Variants in UVSSA observed in about 807,000 individuals in gnomAD.
The protein encoded by UVSSA is UV-stimulated scaffold protein A.
UVSSA carries 72 observed loss-of-function variants against 73.9 expected under a neutral mutation model. The observed-to-expected ratio is 0.97, with a 90% confidence interval of 0.81 to 1.19. UVSSA has a LOEUF of 1.19. Ranked by LOEUF, UVSSA falls within the 50% of genes most tolerant of loss-of-function variation. The pLI, the probability that UVSSA is intolerant of heterozygous loss-of-function variation, is 0.00. For missense variants in UVSSA, 1,150 were observed against 965.0 expected, an observed-to-expected ratio of 1.19 and a Z score of -2.54; for synonymous variants, 454 against 391.3, an observed-to-expected ratio of 1.16 and a Z score of -1.89.
intron 8 of UVSSA, among the ~76,000 whole-genome samples, chr4:1,373,442 C>G (rs186455493): frequency 1.2e-4 from 19 of 152,334 alleles, no homozygotes; most frequent in African/African-American, 4.6e-4. Context: ...CCTTCCCCAG[C>G]CCACTGACTC....
At chr4:1,354,616 T>G in intron 5 of UVSSA, 119 bp from the exon 6 acceptor site, 1 of 789,786 alleles carries the variant, frequency 1.3e-6, no homozygotes, top group South Asian at 1.5e-5. Flanking sequence ...GGGGCAGGCA[T>G]GGGCGTCTGG....
chr4:1,349,917 C>T, intron 3 of UVSSA, 63 bp downstream of exon 3: 1 of 1,404,922 alleles, frequency 7.1e-7, no homozygotes, highest in Non-Finnish European at 9.4e-7. Flanking sequence ...GCAGACGATA[C>T]CAGGGTGAAG....
At position 1,384,129 on chromosome 4, in the gene UVSSA, GGCAGGTCTGCTCAGGAACGCCCCCCA is replaced by G. The variant is rs541998340; in HGVS notation, c.2036+193_2036+218del. 1.2e-3 allele frequency: 866 copies of G among 711,224 alleles called. 17 individuals carry two copies. In the South Asian group the frequency reaches 0.016, roughly 13 times the overall value. 44.1% of individuals were successfully genotyped at this position (711,224 alleles called of 1,614,324 possible). On this transcript the variant is annotated intron_variant, in intron 13 of 13. Transcript: ENST00000389851. ...GCAGTGCCAGCCAGCAGGGGCAGCA[GGCAGGTCTGCTCAGGAACGCCCCCCA>G]GCATTCCCCAGGATAAGAGGGGCTC...
chr4:1,375,545 C>T (rs79409547), intron 9 of UVSSA, 37 bp downstream of exon 9: 36,838 of 1,591,748 alleles, frequency 0.023, 519 homozygotes, highest in Middle Eastern at 0.029. Context: ...GCCCCCTGCC[C>T]GGCGCTGCCA....
rs1395624967 is a variant in UVSSA, at chr4:1,395,732, G to A, written c.*9771G>A. 4 of 1,614,242 alleles carry A rather than the reference G, an allele frequency of 2.5e-6. No individual in the cohort carries two copies. In the African/African-American group the frequency reaches 5.3e-5, roughly 22 times the overall value. ...AAGCCCTGGCATGGTGGTTCTGTAG[G>A]TTTCCTGTCCTGCCGGCCGAGTCAG... is the stretch of plus-strand genomic sequence containing the variant. On this transcript the variant is annotated 3_prime_UTR_variant, in exon 14 of 14. Transcript: ENST00000511216.
Position 1,355,296 on chromosome 4 carries a change from G to A in UVSSA, c.1176+51G>A, listed in dbSNP as rs376500733. ...AGGGGTCCCAGAGGCCTCAGTGGGG[G>A]AGGAGAAGCTGTGGGGGGGTTGTGC... On this transcript the variant is annotated intron_variant, in intron 7 of 13. Transcript: ENST00000389851. 5 of 1,510,400 alleles carry A rather than the reference G, an allele frequency of 3.3e-6. No individual in the cohort carries two copies. In the African/African-American group the frequency reaches 6.8e-5, roughly 21 times the overall value. 93.6% of individuals were successfully genotyped at this position (1,510,400 alleles called of 1,614,324 possible).
rs368983778 is a variant in UVSSA at position 1,362,820 on chromosome 4, C to T, written c.1177-3500C>T. Among the ~76,000 whole-genome samples, 84 of 152,306 alleles carry T rather than the reference C, an allele frequency of 5.5e-4. 1 individual carries two copies. The South Asian group carries it at 0.015, about 27-fold the overall frequency. On this transcript the variant is annotated intron_variant, in intron 7 of 13. Transcript: ENST00000389851. ...CCCTCCCTTTGGGCTCCGTGCGCTT[C>T]GAGGCCTCGGGGAGCTCTGTCCCTG...
chr4:1,380,645 T>A, intron 11 of UVSSA: 3 of 1,524,766 alleles, frequency 2.0e-6, no homozygotes, highest in Non-Finnish European at 8.8e-7. Context: ...GCCTAGACTT[T>A]CCACAGCTGC....
At chr4:1,383,727 T>C (rs1424435287) in intron 12 of UVSSA, 39 bp from the exon 13 acceptor site, 2 of 1,610,622 alleles carry the variant, frequency 1.2e-6, no homozygotes, top group South Asian at 1.1e-5. Context: ...CTCTGGTCAG[T>C]GCCAGACGTC....
rs779871040 is a variant in UVSSA, at chr4:1,348,103, A to G, written c.12A>G (p.Lys4=). The G allele has an allele frequency of 1.9e-6, 3 of 1,613,542 alleles. No individual in the cohort carries two copies. Among genetic ancestry groups the G allele is most frequent in the African/African-American group, 2.7e-5 (2 of 74,918 alleles). The change falls in exon 2 of 14, where the codon AAA becomes AAG. Residue 4 remains lysine (K), a synonymous_variant. Coordinates refer to ENST00000389851, the MANE Select transcript of UVSSA (RefSeq NM_020894.4). ...ACTTATTTCTAGATATGGATCAGAA[A>G]CTTTCGAAGTTGGTAGAAGAGCTCA... MDQ[K]LSKLVEELTT...
intron 7 of UVSSA, among the ~76,000 whole-genome samples, chr4:1,357,353 G>T (rs1370051817): frequency 6.6e-6 from 1 of 152,274 alleles, no homozygotes; most frequent in Non-Finnish European, 1.5e-5. Context: ...TGGGGCTGGG[G>T]CAGCCAGGTG....
chr4:1,346,592 C>T (rs924118041), upstream of UVSSA, among the ~76,000 whole-genome samples: 2 of 152,112 alleles, frequency 1.3e-5, no homozygotes, highest in East Asian at 1.9e-4. Flanking sequence ...GACCCCCAAG[C>T]CCGCCCAGGG....
chr4:1,395,340 G>A (rs1396287048), exon 14 of UVSSA: 6 of 1,544,464 alleles, frequency 3.9e-6, no homozygotes, highest in Non-Finnish European at 8.7e-7. Flanking sequence ...GTGCCGATGT[G>A]GGGTGCCCGC....
chr4:1,349,699 G>T lies in UVSSA; in HGVS notation c.274G>T (p.Gly92Cys). ...CCAGGAGTTCCTGGAGCTCACGCTGGGCACAGACCCCGCACAGCCTCTGCC... is the reference window on the plus strand; with the variant it reads ...CCAGGAGTTCCTGGAGCTCACGCTGTGCACAGACCCCGCACAGCCTCTGCC... The part of the protein sequence containing the change: ...NFQEFLELTL[G>C]TDPAQPLPPP... Residue 92 changes from glycine to cysteine, a missense_variant, in exon 3 of 14, where the codon GGC (glycine) becomes TGC (cysteine). Gly to Cys is a radical substitution (Grantham distance 159). Coordinates refer to ENST00000389851, the MANE Select transcript of UVSSA (RefSeq NM_020894.4). The T allele has an allele frequency of 6.2e-7, 1 of 1,613,974 alleles. No homozygotes were observed. Among genetic ancestry groups the T allele is most frequent in the Middle Eastern group, 1.7e-4 (1 of 6,060 alleles).
chr4:1,375,106 CACAGTGTGTGA>C (rs1321760080), intron 8 of UVSSA: 38 of 545,842 alleles, frequency 7.0e-5, no homozygotes, highest in Non-Finnish European at 1.1e-4. Context: ...AGCCCGGCAG[CACAGTGTGTGA>C]ACAGCGTGGC....
At chr4:1,356,116 C>G (rs974785536) in intron 7 of UVSSA, among the ~76,000 whole-genome samples, 3 of 152,172 alleles carry the variant, frequency 2.0e-5, no homozygotes, top group African/African-American at 7.2e-5. Context: ...AAGCCCTGAA[C>G]CCCAACACCC....
At chr4:1,365,441 G>T (rs1483580444) in intron 7 of UVSSA, among the ~76,000 whole-genome samples, 4 of 152,216 alleles carry the variant, frequency 2.6e-5, no homozygotes, top group African/African-American at 9.6e-5. Flanking sequence ...TCGGGCGCAG[G>T]AAGGGGCAGG....
chr4:1,361,087 C>T (rs1282322879), intron 7 of UVSSA, among the ~76,000 whole-genome samples: 1 of 152,256 alleles, frequency 6.6e-6, no homozygotes, highest in Non-Finnish European at 1.5e-5. Flanking sequence ...AGATGTGTGT[C>T]TCTATCTGGC....
intron 8 of UVSSA, among the ~76,000 whole-genome samples, chr4:1,374,065 C>T (rs1328234251): frequency 5.3e-5 from 8 of 152,250 alleles, no homozygotes; most frequent in African/African-American, 1.7e-4. Context: ...TTGCTCGGTC[C>T]GTTTTCTTTC....
Sources: gnomAD v4.1 joint callset for allele counts (sites outside exome capture counted in the v4.1 genomes callset) on GRCh38, gnomAD v4.1.1 for gene constraint, MANE v1.5 for transcripts, NCBI Gene and HGNC (gene_info 2026-07-23, HGNC 2026-07-21) for gene names.